The following RAP1GAP2 variants were observed in gnomAD, a reference collection of about 807,000 sequenced individuals.
RAP1GAP2 encodes the protein RAP1 GTPase activating protein 2, also known as rap1 GTPase-activating protein 2.
RAP1GAP2 carries 27 observed loss-of-function variants against 95.0 expected under a neutral mutation model. That is an observed-to-expected ratio of 0.28 (90% CI 0.21 to 0.39). The LOEUF (loss-of-function observed/expected upper bound fraction) is 0.39, where lower values mean the gene tolerates loss of function less well. RAP1GAP2 is among the 10% of genes least tolerant of loss of function. The pLI is 1.00. For missense variants in RAP1GAP2, 771 were observed against 970.0 expected, an observed-to-expected ratio of 0.79 and a Z score of 2.72; for synonymous variants, 373 against 380.9, an observed-to-expected ratio of 0.98 and a Z score of 0.24.
chr17:2,836,887 G>T (rs560373321), intron 2 of RAP1GAP2, among the ~76,000 whole-genome samples: 1 of 152,252 alleles, frequency 6.6e-6, no homozygotes, highest in East Asian at 1.9e-4. Context: ...AAAATTTGGT[G>T]TTCACTCTGT....
chr17:3,032,604 A>G (rs76193846), intron 24 of RAP1GAP2, among the ~76,000 whole-genome samples, 155 bp downstream of exon 24: 1 of 152,210 alleles, frequency 6.6e-6, no homozygotes, highest in South Asian at 2.1e-4. Flanking sequence ...AAGACCTGCA[A>G]TGGGGAAGGA....
At chr17:3,007,858 G>T (rs117465670) in intron 16 of RAP1GAP2, among the ~76,000 whole-genome samples, 153 bp from the exon 17 acceptor site, 3 of 152,122 alleles carry the variant, frequency 2.0e-5, no homozygotes. Flanking sequence ...GCATTTGTGA[G>T]CACGAAGCTC....
intron 2 of RAP1GAP2, among the ~76,000 whole-genome samples, chr17:2,852,621 AAAC>A (rs1488528091): frequency 6.6e-6 from 1 of 152,114 alleles, no homozygotes; most frequent in Non-Finnish European, 1.5e-5. Flanking sequence ...CAACAACAAA[AAAC>A]AAGGCAAATT....
rs938638093 is a variant in RAP1GAP2, at chr17:3,029,615, G to C, written c.2108-1307G>C. On this transcript the variant is annotated intron_variant, in intron 22 of 24. Transcript: ENST00000254695. The surrounding 1 kb of genome is among the most constrained non-coding windows in gnomAD (Gnocchi z 4.4). ...CTGGGGCACAGAAGAGGACTGATAG[G>C]TTACACAGAGGTGTTGTAGCCCTGG... Among the ~76,000 whole-genome samples the C allele has an allele frequency of 6.6e-6, 1 of 152,118 alleles. No homozygotes were observed. The highest frequency in any genetic ancestry group is 2.1e-4 in the South Asian group (1 of 4,824).
rs558276860 is a variant in RAP1GAP2, at chr17:2,904,572, G to A, written c.81-712G>A. 1.3e-5 allele frequency among the ~76,000 whole-genome samples: 2 copies of A among 151,472 alleles called. No homozygotes were observed. The highest frequency in any genetic ancestry group is 2.0e-4 in the East Asian group (1 of 5,114). ...TGTGTGTGTGTGTGTGTGTGTGTAC[G>A]TGCAGAGGGGCTCAAGGGAGAATGA... On this transcript the variant is annotated intron_variant, in intron 2 of 24. Coordinates refer to ENST00000254695, the MANE Select transcript of RAP1GAP2 (RefSeq NM_015085.5). This position sits in a 1 kb window ranked among gnomAD's most constrained non-coding sequence, Gnocchi z 4.7.
At chr17:2,986,325 A>G (rs1005009975) in intron 11 of RAP1GAP2, among the ~76,000 whole-genome samples, 2 of 152,172 alleles carry the variant, frequency 1.3e-5, no homozygotes, top group Non-Finnish European at 2.9e-5. Flanking sequence ...TCATTTTCAC[A>G]TATTACATTT....
At chr17:2,772,324 T>C (rs1375812978), upstream of RAP1GAP2, among the ~76,000 whole-genome samples, 3 of 152,156 alleles carry the variant, frequency 2.0e-5, no homozygotes, top group Non-Finnish European at 4.4e-5. Context: ...AGGGTCTCAC[T>C]CTGTCACACG....
intron 13 of RAP1GAP2, among the ~76,000 whole-genome samples, chr17:2,996,257 G>A (rs761039591): frequency 2.0e-5 from 3 of 152,066 alleles, no homozygotes; most frequent in South Asian, 2.1e-4. Context: ...CTTTCCTGCC[G>A]TGCCCCCCGT....
chr17:2,998,072 T>C (rs2046027566), intron 13 of RAP1GAP2, 149 bp from the exon 14 acceptor site: 1 of 848,506 alleles, frequency 1.2e-6, no homozygotes, highest in Non-Finnish European at 1.9e-6. Flanking sequence ...TGTGCTTTCA[T>C]ACTTAAACTT....
Position 2,855,162 on chromosome 17 carries a change from C to A in RAP1GAP2, c.81-50122C>A, listed in dbSNP as rs1202154723. Among the ~76,000 whole-genome samples, 5 of 152,264 alleles carry A rather than the reference C, an allele frequency of 3.3e-5. No individual in the cohort carries two copies. Among genetic ancestry groups the A allele is most frequent in the Non-Finnish European group, 5.9e-5 (4 of 68,018 alleles). On this transcript the variant is annotated intron_variant, in intron 2 of 24. Coordinates refer to ENST00000254695, the MANE Select transcript of RAP1GAP2 (RefSeq NM_015085.5). The surrounding 1 kb of genome is among the most constrained non-coding windows in gnomAD (Gnocchi z 4.3). Reference sequence around the variant, plus strand: ...ATTGCCCTTGTGGTGGGTTGTCCCCCATTCCTCTCGTCCCCCCTTCCTATA... The same window carrying A: ...ATTGCCCTTGTGGTGGGTTGTCCCCAATTCCTCTCGTCCCCCCTTCCTATA...
rs576688167 is a variant in RAP1GAP2 at position 2,791,191 on chromosome 17, C to T, written c.-13-9324C>T. Among the ~76,000 whole-genome samples the T allele has an allele frequency of 1.4e-4, 21 of 152,154 alleles. No homozygotes were observed. The East Asian group carries it at 2.9e-3, about 21-fold the overall frequency. On this transcript the variant is annotated intron_variant, in intron 1 of 24. Coordinates refer to the RAP1GAP2 transcript ENST00000540393. ...CTGCACTCCAGCCTGGGTGACAGAA[C>T]GAGCCCCCTTCTCTAAAAAAGAAAA...
At chr17:2,758,112 G>C (rs547268053) in intron 1 of RAP1GAP2, among the ~76,000 whole-genome samples, 1 of 147,718 alleles carries the variant, frequency 6.8e-6, no homozygotes, top group African/African-American at 2.5e-5. Context: ...CTCATGATCC[G>C]CCCGCCTTGG....
intron 3 of RAP1GAP2, among the ~76,000 whole-genome samples, chr17:2,923,668 G>T (rs2034102): frequency 0.37 from 53,550 of 144,048 alleles, 12,950 homozygotes; most frequent in African/African-American, 0.67. Flanking sequence ...TTTTTTTTTT[G>T]TGTGTGTGCA....
chr17:2,801,564 C>A (rs533165697), intron 2 of RAP1GAP2, among the ~76,000 whole-genome samples: 1 of 151,150 alleles, frequency 6.6e-6, no homozygotes, highest in African/African-American at 2.4e-5. Flanking sequence ...TGACATTCCC[C>A]GCCTACTAGG....
At chr17:2,878,480 C>T (rs1259259279) in intron 2 of RAP1GAP2, among the ~76,000 whole-genome samples, 2 of 152,162 alleles carry the variant, frequency 1.3e-5, no homozygotes, top group South Asian at 2.1e-4. Context: ...GTCTGTATGC[C>T]GTATCGCTGA....
intron 2 of RAP1GAP2, among the ~76,000 whole-genome samples, chr17:2,830,538 A>G (rs973219708): frequency 1.3e-5 from 2 of 151,674 alleles, no homozygotes; most frequent in Non-Finnish European, 2.9e-5. Context: ...ACATGGTGAA[A>G]CCCCGTCTCT....
At chr17:2,795,851 G>T (rs1185370140), upstream of RAP1GAP2, among the ~76,000 whole-genome samples, 1 of 152,174 alleles carries the variant, frequency 6.6e-6, no homozygotes, top group Non-Finnish European at 1.5e-5. Context: ...GGTGTGTACA[G>T]GTGTCTAATG....
At chr17:3,013,632 C>T (rs59513354) in intron 17 of RAP1GAP2, among the ~76,000 whole-genome samples, 44,961 of 80,372 alleles carry the variant, frequency 0.56, 14,140 homozygotes, top group African/African-American at 0.6. Flanking sequence ...CTTTTCTTTT[C>T]TTTTTTTTTT....
At chr17:2,939,584 ACCCGGGGTCT>A (rs139822723) in intron 3 of RAP1GAP2, among the ~76,000 whole-genome samples, 109 of 152,144 alleles carry the variant, frequency 7.2e-4, no homozygotes, top group African/African-American at 2.5e-3. Context: ...AACACACAAG[ACCCGGGGTCT>A]CCTTCAGGCC....
Sources: gnomAD v4.1 joint callset for allele counts (sites outside exome capture counted in the v4.1 genomes callset) on GRCh38, gnomAD v4.1.1 for gene constraint, Gnocchi (gnomAD v3.1) non-coding constraint, MANE v1.5 for transcripts, NCBI Gene and HGNC (gene_info 2026-07-23, HGNC 2026-07-21) for gene names.